CAPN2: variants seen among roughly 807,000 people sequenced by gnomAD.
CAPN2 encodes calpain-2 catalytic subunit.
A neutral mutation model predicts 102.3 loss-of-function variants in CAPN2; 92 were observed. That is an observed-to-expected ratio of 0.90 (90% CI 0.76 to 1.07). The LOEUF (loss-of-function observed/expected upper bound fraction) is 1.07. Ranked by LOEUF, CAPN2 falls within the 50% of genes least tolerant of loss-of-function variation. The pLI is 0.00. For synonymous variants in CAPN2, 340 were observed against 355.4 expected (o/e 0.96, Z 0.49); for missense variants, 800 against 909.4 (o/e 0.88, Z 1.55).
intron 7 of CAPN2, among the ~76,000 whole-genome samples, chr1:223,751,363 G>A (rs560307357): frequency 6.6e-6 from 1 of 152,328 alleles, no homozygotes; most frequent in African/African-American, 2.4e-5. Flanking sequence ...ACATCCCTCT[G>A]TTGATTTCCA....
chr1:223,720,545 G>A (rs1281609151), intron 2 of CAPN2, among the ~76,000 whole-genome samples: 1 of 151,924 alleles, frequency 6.6e-6, no homozygotes, highest in Non-Finnish European at 1.5e-5. Context: ...TTGAACTTCT[G>A]AGCTCAAGTG....
chr1:223,712,482 C>T (rs1177680256), upstream of CAPN2: 3 of 1,176,936 alleles, frequency 2.5e-6, no homozygotes, highest in Non-Finnish European at 1.0e-6. Flanking sequence ...GAGGCCACAC[C>T]CCGCGGGCCG....
chr1:223,748,898 G>A (rs1381273778), intron 5 of CAPN2, 141 bp from the exon 6 acceptor site: 3 of 743,116 alleles, frequency 4.0e-6, no homozygotes, highest in Non-Finnish European at 7.3e-6. Flanking sequence ...AGAAAGCGCA[G>A]CCCTGAGCCT....
chr1:223,772,234 ATC>A lies in CAPN2; in HGVS notation c.2078_2079del (p.Ser693LeufsTer11), dbSNP rs1309102893. 1 of 1,613,916 alleles carries A rather than the reference ATC, an allele frequency of 6.2e-7. No homozygotes were observed. The highest frequency in any genetic ancestry group is 1.7e-5 in the Admixed American group (1 of 60,018). Reference sequence around the variant, plus strand: ...TACTGGAACAATAGAGCTCGACCTTATCTCTGTGAGTCAGCAGGCCCCGCCTT... The same window carrying A: ...TACTGGAACAATAGAGCTCGACCTTATCTGTGAGTCAGCAGGCCCCGCCTT... ...ENTGTIELDL[I>X]SWLCFSVL On this transcript the variant is annotated frameshift_variant, in exon 20 of 21. Coordinates refer to ENST00000295006, the MANE Select transcript of CAPN2 (RefSeq NM_001748.5). LOFTEE classifies it high-confidence loss of function.
intron 15 of CAPN2, among the ~76,000 whole-genome samples, chr1:223,764,468 T>G (rs1354469647): frequency 2.0e-5 from 3 of 152,186 alleles, no homozygotes; most frequent in Non-Finnish European, 4.4e-5. Flanking sequence ...TTTATTTTAT[T>G]TTTGAGACAG....
chr1:223,712,807 C>T lies in CAPN2; in HGVS notation c.167C>T (p.Ser56Leu), dbSNP rs576417116. 30 of 1,576,696 alleles carry T rather than the reference C, an allele frequency of 1.9e-5. No homozygotes were observed. In the African/African-American group the frequency reaches 3.2e-4, roughly 17 times the overall value. ...GACCCGTCCTTCCCGGCCATCCCCT[C>T]GGCCCTGGGCTTCAAGGAGTTGGGG... ...FQDPSFPAIP[S>L]ALGFKELGPY... The change falls in exon 1 of 21, where the codon TCG becomes TTG. Residue 56 changes from serine (S) to leucine (L), a missense_variant. Transcript: ENST00000295006.
At chr1:223,711,936 AACAGC>A (rs1659739276), upstream of CAPN2, among the ~76,000 whole-genome samples, 1 of 152,164 alleles carries the variant, frequency 6.6e-6, no homozygotes, top group African/African-American at 2.4e-5. Context: ...TAATCAAATA[AACAGC>A]TGAGCAGTAG....
At chr1:223,722,372 C>T (rs954912968) in intron 2 of CAPN2, among the ~76,000 whole-genome samples, 3 of 142,256 alleles carry the variant, frequency 2.1e-5, no homozygotes, top group East Asian at 2.2e-4. Context: ...ACTGCAGCCT[C>T]GACCTCCTGG....
At chr1:223,741,155 A>G (rs978580719) in intron 2 of CAPN2, among the ~76,000 whole-genome samples, 2 of 152,048 alleles carry the variant, frequency 1.3e-5, no homozygotes. Flanking sequence ...CATTGTGTAG[A>G]TCTTGTCACT....
intron 20 of CAPN2, 80 bp downstream of exon 20, chr1:223,772,319 C>A: frequency 7.8e-7 from 1 of 1,281,866 alleles, no homozygotes; most frequent in South Asian, 1.2e-5. Flanking sequence ...GAGTGATCTG[C>A]TTTTTCAAGT....
rs769469702 is a variant in CAPN2 at position 223,762,228 on chromosome 1, CTGTT to C, written c.1612_1615del (p.Phe538ProfsTer19). On this transcript the variant is annotated frameshift_variant, in exon 14 of 21. Coordinates refer to ENST00000295006, the MANE Select transcript of CAPN2 (RefSeq NM_001748.5). LOFTEE classifies it high-confidence loss of function. ...TGACATTGATGATGGATTCAGGAGA[CTGTT>C]TGCCCAGTTGGCAGGAGAGGTAAAT... is the stretch of plus-strand genomic sequence containing the variant. The C allele has an allele frequency of 5.0e-6, 8 of 1,613,968 alleles. No individual in the cohort carries two copies. In the South Asian group the frequency reaches 5.5e-5, roughly 11 times the overall value.
At chr1:223,738,115 T>A (rs901773147) in intron 2 of CAPN2, among the ~76,000 whole-genome samples, 5 of 152,300 alleles carry the variant, frequency 3.3e-5, no homozygotes, top group Middle Eastern at 3.4e-3. Flanking sequence ...AATAAACTTA[T>A]CAGAATCAGC....
At chr1:223,735,947 T>C (rs1321269351) in intron 2 of CAPN2, among the ~76,000 whole-genome samples, 2 of 152,174 alleles carry the variant, frequency 1.3e-5, no homozygotes, top group Non-Finnish European at 2.9e-5. Context: ...GCTCAGCTAA[T>C]TTTTGTATCT....
chr1:223,710,490 T>C (rs967349000), upstream of CAPN2, among the ~76,000 whole-genome samples: 2 of 152,034 alleles, frequency 1.3e-5, no homozygotes, highest in African/African-American at 4.8e-5. Flanking sequence ...AAATGGATGG[T>C]TCCTCCTTAG....
intron 14 of CAPN2, among the ~76,000 whole-genome samples, chr1:223,763,144 T>A (rs141613682): frequency 7.3e-4 from 109 of 148,542 alleles, no homozygotes; most frequent in African/African-American, 2.6e-3. Context: ...CTTAAAAAAA[T>A]CCCTCAGCCA....
intron 2 of CAPN2, among the ~76,000 whole-genome samples, chr1:223,732,583 C>T (rs1571791983): frequency 6.6e-6 from 1 of 152,168 alleles, no homozygotes; most frequent in East Asian, 1.9e-4. Flanking sequence ...TTCTTTACTG[C>T]AACTGTTTTA....
intron 20 of CAPN2, chr1:223,773,340 T>G (rs1461640406): frequency 2.0e-5 from 3 of 152,246 alleles, no homozygotes; most frequent in Non-Finnish European, 4.4e-5. Flanking sequence ...GTGGATCACC[T>G]GAGGTCAGGA....
chr1:223,762,049 C>T (rs1204503547), intron 13 of CAPN2, 137 bp from the exon 14 acceptor site: 3 of 645,792 alleles, frequency 4.6e-6, no homozygotes, highest in Admixed American at 2.7e-5. Flanking sequence ...CTGATCTTAA[C>T]CCAAATCACC....
chr1:223,704,292 A>C (rs1160281030), intron 1 of CAPN2, among the ~76,000 whole-genome samples: 1 of 152,180 alleles, frequency 6.6e-6, no homozygotes, highest in Non-Finnish European at 1.5e-5. Flanking sequence ...CTCTATCTCA[A>C]AACAACACCA....
Sources: allele counts gnomAD v4.1 joint callset (sites outside exome capture counted in the v4.1 genomes callset), GRCh38; gene constraint gnomAD v4.1.1; transcripts MANE v1.5; gene names NCBI Gene and HGNC (gene_info 2026-07-23, HGNC 2026-07-21).